TPD52L1: variants seen among roughly 807,000 people sequenced by gnomAD.
TPD52L1 encodes tumor protein D53.
In TPD52L1, 18 loss-of-function variants were observed where a neutral mutation model predicts 28.7. That is an observed-to-expected ratio of 0.63 (90% CI 0.43 to 0.93). The LOEUF is 0.93. TPD52L1 is among the 40% of genes least tolerant of loss of function. TPD52L1 has a pLI of 0.00. For missense variants in TPD52L1, 203 were observed against 254.8 expected (o/e 0.80, Z 1.39); for synonymous variants, 75 against 88.8 (o/e 0.84, Z 0.88).
At chr6:125,254,772 TTTGTACATCTGATTAAATCTTATTAAAG>T (rs1178804375) in intron 5 of TPD52L1, among the ~76,000 whole-genome samples, 46 of 152,228 alleles carry the variant, frequency 3.0e-4, no homozygotes, top group African/African-American at 1.1e-3. Flanking sequence ...GCTAAAAAAG[TTTGTACATCTGATTAAATCTTATTAAAG>T]TTGTACATCT....
rs982603260 is a variant in TPD52L1 at position 125,229,207 on chromosome 6, G to A, written c.225G>A (p.Leu75=). 26 of 1,613,500 alleles carry A rather than the reference G, an allele frequency of 1.6e-5. No individual in the cohort carries two copies. Among genetic ancestry groups the A allele is most frequent in the Non-Finnish European group, 2.1e-5 (25 of 1,179,768 alleles). Residue 75 remains leucine, a synonymous_variant, in exon 3 of 7, where the codon CTG becomes CTA. Coordinates refer to ENST00000534000, the MANE Select transcript of TPD52L1 (RefSeq NM_003287.4). ...VEIKQKLGMN[L]MNELKQNFSK... ...TAAAACAAAAACTCGGCATGAACCT[G>A]ATGAATGAATTAAAACAGAACTTCA... is the stretch of plus-strand genomic sequence containing the variant.
chr6:125,191,161 G>C (rs974156309), intron 1 of TPD52L1, among the ~76,000 whole-genome samples: 1 of 152,128 alleles, frequency 6.6e-6, no homozygotes, highest in Non-Finnish European at 1.5e-5. Flanking sequence ...TGCTGATCTT[G>C]GGTTTTCTTT....
chr6:125,191,368 A>G (rs1391101277), intron 1 of TPD52L1, among the ~76,000 whole-genome samples: 1 of 152,164 alleles, frequency 6.6e-6, no homozygotes, highest in African/African-American at 2.4e-5. Context: ...TCCTTTTCTA[A>G]ATGAAGAAGG....
intron 1 of TPD52L1, 90 bp from the exon 2 acceptor site, chr6:125,219,988 C>A: frequency 1.1e-6 from 1 of 879,374 alleles, no homozygotes; most frequent in Non-Finnish European, 1.9e-6. Context: ...GAGGGTCTGT[C>A]AGTGCATCTA....
At chr6:125,181,914 AG>A (rs2114823071) in intron 1 of TPD52L1, among the ~76,000 whole-genome samples, 1 of 152,318 alleles carries the variant, frequency 6.6e-6, no homozygotes, top group South Asian at 2.1e-4. Flanking sequence ...GGATAATTTT[AG>A]GGCAATGGAG....
At chr6:125,179,058 C>T (rs1023457371) in intron 1 of TPD52L1, among the ~76,000 whole-genome samples, 1 of 152,204 alleles carries the variant, frequency 6.6e-6, no homozygotes. Context: ...AGTGGAACTA[C>T]CTTTGACACA....
intron 1 of TPD52L1, among the ~76,000 whole-genome samples, chr6:125,171,487 C>A (rs772504904): frequency 6.6e-6 from 1 of 152,112 alleles, no homozygotes; most frequent in Non-Finnish European, 1.5e-5. Flanking sequence ...AATAAGACTT[C>A]GTTTTAGCAG....
chr6:125,214,559 T>A (rs981233326), intron 1 of TPD52L1: 26 of 547,760 alleles, frequency 4.7e-5, no homozygotes, highest in Non-Finnish European at 6.0e-5. Flanking sequence ...AATAATGATA[T>A]GTAGAACATT....
At chr6:125,197,714 G>A (rs1275241921) in intron 1 of TPD52L1, among the ~76,000 whole-genome samples, 9 of 152,122 alleles carry the variant, frequency 5.9e-5, no homozygotes, top group Admixed American at 5.9e-4. Context: ...AGCCCACTAA[G>A]CGTCAGAGGT....
At chr6:125,253,165 T>C (rs537271834) in intron 4 of TPD52L1, 1 of 154,598 alleles carries the variant, frequency 6.5e-6, no homozygotes, top group African/African-American at 2.4e-5. Context: ...CTAGTACAAA[T>C]CAATCATCTT....
At chr6:125,233,291 C>T (rs1417130750) in intron 3 of TPD52L1, among the ~76,000 whole-genome samples, 2 of 152,072 alleles carry the variant, frequency 1.3e-5, no homozygotes, top group Admixed American at 6.5e-5. Context: ...GCACAGTGCT[C>T]AAAAATTGAA....
intron 1 of TPD52L1, among the ~76,000 whole-genome samples, chr6:125,172,300 TTTTC>T: frequency 7.0e-6 from 1 of 142,466 alleles, no homozygotes; most frequent in Non-Finnish European, 1.5e-5. Flanking sequence ...TTTCTTTCCT[TTTTC>T]TTTCTTTCTT....
rs565644136 is a variant in TPD52L1, at chr6:125,170,965, G to T, written c.19+16995G>T. The stretch of plus-strand genomic sequence containing the variant: ...ACCAGGCATCCATGAGCCTTTCGTG[G>T]GTAGACTATGCTGCCAGAATGTGTA... On this transcript the variant is annotated intron_variant, in intron 1 of 6. Transcript: ENST00000534000. Among the ~76,000 whole-genome samples, 3 of 152,188 alleles carry T rather than the reference G, an allele frequency of 2.0e-5. No homozygotes were observed. In the East Asian group the frequency reaches 5.8e-4, roughly 30 times the overall value.
chr6:125,216,390 A>T (rs1794877031), intron 1 of TPD52L1, among the ~76,000 whole-genome samples: 1 of 151,964 alleles, frequency 6.6e-6, no homozygotes, highest in Admixed American at 6.6e-5. Context: ...GTAAATTATT[A>T]ATCATCCATA....
chr6:125,182,808 G>A (rs535281118), intron 1 of TPD52L1, among the ~76,000 whole-genome samples: 2 of 152,300 alleles, frequency 1.3e-5, no homozygotes, highest in Non-Finnish European at 2.9e-5. Context: ...TTTCACAGAC[G>A]AGTAAACAGA....
intron 6 of TPD52L1, among the ~76,000 whole-genome samples, chr6:125,260,736 G>T (rs187564935): frequency 6.6e-6 from 1 of 151,660 alleles, no homozygotes; most frequent in Admixed American, 6.6e-5. Context: ...AACCCAGGAG[G>T]CAGAGGTTGG....
intron 6 of TPD52L1, among the ~76,000 whole-genome samples, chr6:125,259,740 T>C (rs1797803562): frequency 6.6e-6 from 1 of 152,248 alleles, no homozygotes; most frequent in South Asian, 2.1e-4. Flanking sequence ...TTGCATTACA[T>C]GTTTTGTTTC....
In TPD52L1 at chr6:125,153,788, CG is replaced by C; in HGVS notation, c.-162del. 1 of 700,074 alleles carries C rather than the reference CG, an allele frequency of 1.4e-6. No homozygotes were observed. Among genetic ancestry groups the C allele is most frequent in the Non-Finnish European group, 2.2e-6 (1 of 449,556 alleles). The allele number at this position is 700,074 out of a possible 1,614,324, so 43.4% of individuals were successfully genotyped here. A position where few individuals can be genotyped will look rare whatever the true frequency, so the allele number is the denominator to read the frequency against. The stretch of plus-strand genomic sequence containing the variant: ...GGAGGTAACCAGAAGCGGCTAGTGG[CG>C]GCTGCCTGCGTCCCCAACCCCCTCC... On this transcript the variant is annotated 5_prime_UTR_variant, in exon 1 of 7. Coordinates refer to ENST00000534000, the MANE Select transcript of TPD52L1 (RefSeq NM_003287.4).
At chr6:125,156,112 G>A (rs1228126993) in intron 1 of TPD52L1, among the ~76,000 whole-genome samples, 1 of 152,014 alleles carries the variant, frequency 6.6e-6, no homozygotes, top group Admixed American at 6.6e-5. Context: ...GGAAACTTTA[G>A]GTGTAAAGAG....
Sources: gnomAD v4.1 joint callset for allele counts (sites outside exome capture counted in the v4.1 genomes callset) on GRCh38, gnomAD v4.1.1 for gene constraint, MANE v1.5 for transcripts, NCBI Gene and HGNC (gene_info 2026-07-23, HGNC 2026-07-21) for gene names.